Variants in MICALL2 observed in about 807,000 individuals in gnomAD.
MICALL2 encodes MICAL-like protein 2.
In MICALL2, 111 loss-of-function variants were observed where a neutral mutation model predicts 91.1. The observed-to-expected ratio is 1.22, with a 90% CI of 1.04 to 1.43. The LOEUF (loss-of-function observed/expected upper bound fraction) is 1.43, where lower values mean the gene tolerates loss of function less well. MICALL2 is among the 40% of genes most tolerant of loss of function. MICALL2 has a pLI of 0.00. For synonymous variants in MICALL2, 694 were observed against 525.3 expected, an observed-to-expected ratio of 1.32 and a Z score of -4.39; for missense variants, 1,556 against 1,236.0, an observed-to-expected ratio of 1.26 and a Z score of -3.88.
In MICALL2 at chr7:1,444,896, T is replaced by C; in HGVS notation, c.1174A>G (p.Ser392Gly). 4 of 1,572,244 alleles carry C rather than the reference T, an allele frequency of 2.5e-6. No individual in the cohort carries two copies. Among genetic ancestry groups the C allele is most frequent in the African/African-American group, 1.3e-5 (1 of 74,492 alleles). Residue 392 changes from serine to glycine, a missense_variant, in exon 6 of 17, where the codon AGT becomes GGT. By Grantham distance (56) the Ser-to-Gly change is moderately conservative. Transcript: ENST00000297508. ...PRVAAPQTTL[S>G]SSSTSAATVD... ...GTGGCTGCAGATGTGGAGCTTGAACTGAGTGTGGTTTGAGGAGCTGCCACT... is the reference window on the plus strand; with the variant it reads ...GTGGCTGCAGATGTGGAGCTTGAACCGAGTGTGGTTTGAGGAGCTGCCACT...
chr7:1,438,977 G>C lies in MICALL2; in HGVS notation c.1985C>G (p.Pro662Arg). The change falls in exon 10 of 17, where the codon CCC (proline) becomes CGC (arginine). Residue 662 changes from proline to arginine, a missense_variant. Transcript: ENST00000297508. Reference sequence around the variant, plus strand: ...AGGGACGGCCAGTCTCCTGCGGCGGGGTGGGGAGGGGGACCTGGCTGCCCC... The same window carrying C: ...AGGGACGGCCAGTCTCCTGCGGCGGCGTGGGGAGGGGGACCTGGCTGCCCC... ...PSLPARSPSP[P>R]RRRRLAVPAS... 2 of 1,596,292 alleles carry C rather than the reference G, an allele frequency of 1.3e-6. No homozygotes were observed. The highest frequency in any genetic ancestry group is 1.7e-6 in the Non-Finnish European group (2 of 1,177,232).
At chr7:1,435,280 C>G (rs1193362040) in intron 15 of MICALL2, 133 bp from the exon 16 acceptor site, 3 of 829,666 alleles carry the variant, frequency 3.6e-6, no homozygotes, top group Non-Finnish European at 6.0e-6. Flanking sequence ...CCCCTTCCTG[C>G]TGACAGGCCA....
chr7:1,450,990 C>T (rs1049871099), intron 1 of MICALL2, among the ~76,000 whole-genome samples: 12 of 152,216 alleles, frequency 7.9e-5, no homozygotes, highest in African/African-American at 1.9e-4. Flanking sequence ...CCCCAGGTCA[C>T]ACAGCGGGGA....
intron 2 of MICALL2, among the ~76,000 whole-genome samples, chr7:1,449,275 C>T (rs893909368): frequency 3.3e-5 from 5 of 152,204 alleles, no homozygotes; most frequent in Admixed American, 6.5e-5. Flanking sequence ...GAAGTGTGGC[C>T]GGCACACTTG....
intron 3 of MICALL2, among the ~76,000 whole-genome samples, chr7:1,448,319 G>C (rs1780685708): frequency 6.6e-6 from 1 of 152,268 alleles, no homozygotes; most frequent in Non-Finnish European, 1.5e-5. Flanking sequence ...GGCAGGAGCT[G>C]CTGGTGCACC....
At chr7:1,440,341 A>AC (rs534575109) in intron 8 of MICALL2, 47 of 618,738 alleles carry the variant, frequency 7.6e-5, no homozygotes, top group Admixed American at 2.6e-4. Context: ...GGGAGACTCC[A>AC]CCCCAGCTGC....
chr7:1,446,864 C>A (rs1488399838), intron 4 of MICALL2, 36 bp from the exon 5 acceptor site: 2 of 1,422,020 alleles, frequency 1.4e-6, no homozygotes, highest in Admixed American at 4.0e-5. Context: ...GAGCAGCCGT[C>A]CACCCAGCCC....
intron 2 of MICALL2, among the ~76,000 whole-genome samples, chr7:1,449,632 C>T (rs371385242): frequency 1.7e-4 from 26 of 152,370 alleles, no homozygotes; most frequent in African/African-American, 5.1e-4. Context: ...CCACTGTCCC[C>T]GCTGAAGGCC....
intron 9 of MICALL2, 53 bp downstream of exon 9, chr7:1,439,872 G>A (rs61504673): frequency 8.0e-6 from 11 of 1,374,860 alleles, no homozygotes; most frequent in South Asian, 1.8e-5. Context: ...CCCCACCCAA[G>A]GGGGAGGGCC....
chr7:1,442,795 T>A (rs1197853366), intron 6 of MICALL2, among the ~76,000 whole-genome samples: 1 of 152,136 alleles, frequency 6.6e-6, no homozygotes, highest in Non-Finnish European at 1.5e-5. Flanking sequence ...TCTCCTCCCC[T>A]GTGAAATCCA....
intron 7 of MICALL2, 78 bp downstream of exon 7, chr7:1,442,114 A>C: frequency 6.7e-6 from 10 of 1,494,210 alleles, no homozygotes; most frequent in Non-Finnish European, 9.2e-6. Flanking sequence ...GAAACCGCAC[A>C]CACTGCAGAG....
rs368516670 is a variant in MICALL2, at chr7:1,451,234, G to A, written c.144-946C>T. 3.9e-5 allele frequency among the ~76,000 whole-genome samples: 6 copies of A among 152,268 alleles called. No homozygotes were observed. The highest frequency in any genetic ancestry group is 1.4e-4 in the African/African-American group (6 of 41,554). On this transcript the variant is annotated intron_variant, in intron 1 of 16. Coordinates refer to ENST00000297508, the MANE Select transcript of MICALL2 (RefSeq NM_182924.4). The surrounding 1 kb of genome is among the most constrained non-coding windows in gnomAD (Gnocchi z 4.5). ...ACCTCCAGCTGGTCCTGGGACTCCT[G>A]ATGGGCACCTTGGGAGGATACCCTG...
rs60823281 is a variant in MICALL2, at chr7:1,451,139, C to T, written c.144-851G>A. 0.093 allele frequency among the ~76,000 whole-genome samples: 14,223 copies of T among 152,152 alleles called. 765 individuals carry two copies. Among genetic ancestry groups the T allele is most frequent in the Admixed American group, 0.18 (2,690 of 15,282 alleles). On this transcript the variant is annotated intron_variant, in intron 1 of 16. Coordinates refer to ENST00000297508, the MANE Select transcript of MICALL2 (RefSeq NM_182924.4). The surrounding 1 kb of genome is among the most constrained non-coding windows in gnomAD (Gnocchi z 4.5). ...GGATGCAAGGGTCCCGGGAAGTTCCCGAGGTGAGGTCCCCGGCCAGCCTGG... is the reference window on the plus strand; with the variant it reads ...GGATGCAAGGGTCCCGGGAAGTTCCTGAGGTGAGGTCCCCGGCCAGCCTGG...
Position 1,437,885 on chromosome 7 carries a change from C to G in MICALL2, c.2402+5G>C. 3 of 1,548,644 alleles carry G rather than the reference C, an allele frequency of 1.9e-6. No homozygotes were observed. Among genetic ancestry groups the G allele is most frequent in the African/African-American group, 2.7e-5 (2 of 73,100 alleles). ...TCGAGGAGGGGCCCACGGCTGGGCT[C>G]TCACTTGTACATCAGCTCTGACTCC... On this transcript the variant is annotated splice_donor_5th_base_variant and intron_variant, in intron 13 of 16. Transcript: ENST00000297508.
Position 1,437,964 on chromosome 7 carries a change from G to A in MICALL2, c.2328C>T (p.Ser776=), listed in dbSNP as rs774940168. The A allele has an allele frequency of 6.5e-6, 10 of 1,550,068 alleles. No homozygotes were observed. The highest frequency in any genetic ancestry group is 3.9e-5 in the Admixed American group (2 of 51,050). ...RAAEGDDAED[S]LMVDWFWLIH... ...TGAGCCAGAACCAGTCCACCATGAG[G>A]CTATCCTCAGCGTCATCTGGGGAGA... is the stretch of plus-strand genomic sequence containing the variant. Residue 776 remains serine, a synonymous_variant, in exon 13 of 17, where the codon AGC becomes AGT. Coordinates refer to ENST00000297508, the MANE Select transcript of MICALL2 (RefSeq NM_182924.4).
chr7:1,454,482 G>A (rs893922003), intron 1 of MICALL2, among the ~76,000 whole-genome samples: 2 of 152,150 alleles, frequency 1.3e-5, no homozygotes, highest in African/African-American at 4.8e-5. Flanking sequence ...GGTGACGACT[G>A]GGGAGGGGAG....
Position 1,437,903 on chromosome 7 carries a change from C to T in MICALL2, c.2389G>A (p.Glu797Lys). 1.3e-6 allele frequency: 2 copies of T among 1,549,140 alleles called. No individual in the cohort carries two copies. Residue 797 changes from glutamate to lysine, a missense_variant, in exon 13 of 17, where the codon GAG becomes AAG. Glu to Lys is a moderately conservative substitution (Grantham distance 56, BLOSUM62 1). Coordinates refer to ENST00000297508, the MANE Select transcript of MICALL2 (RefSeq NM_182924.4). Reference sequence around the variant, plus strand: ...CTGGGCTCTCACTTGTACATCAGCTCTGACTCCTGTCTCAGCAGAAGCTGC... The same window carrying T: ...CTGGGCTCTCACTTGTACATCAGCTTTGACTCCTGTCTCAGCAGAAGCTGC... ...EKQLLLRQES[E>K]LMYKSKAQRL...
At position 1,435,085 on chromosome 7, in the gene MICALL2, TC is replaced by T. The variant is rs1168040351; in HGVS notation, c.2638+15del. The T allele has an allele frequency of 3.6e-5, 58 of 1,605,050 alleles. 1 individual carries two copies. The highest frequency in any genetic ancestry group is 4.8e-5 in the Non-Finnish European group (56 of 1,176,642). On this transcript the variant is annotated intron_variant, in intron 16 of 16. Coordinates refer to ENST00000297508, the MANE Select transcript of MICALL2 (RefSeq NM_182924.4). Reference sequence around the variant, plus strand: ...CAGCCAGCCAGCCCAGCCCTCAGCATCCCCGGCCCAGTCACCCAGCTTCTCA... The same window carrying T: ...CAGCCAGCCAGCCCAGCCCTCAGCATCCCGGCCCAGTCACCCAGCTTCTCA...
At chr7:1,449,008 G>A (rs1268597380) in intron 2 of MICALL2, among the ~76,000 whole-genome samples, 1 of 152,238 alleles carries the variant, frequency 6.6e-6, no homozygotes, top group Non-Finnish European at 1.5e-5. Context: ...CCGTCCAGGT[G>A]AAACCTCAGG....
Sources: gnomAD v4.1 joint callset for allele counts (sites outside exome capture counted in the v4.1 genomes callset) on GRCh38, gnomAD v4.1.1 for gene constraint, Gnocchi (gnomAD v3.1) non-coding constraint, MANE v1.5 for transcripts, NCBI Gene and HGNC (gene_info 2026-07-23, HGNC 2026-07-21) for gene names.